NDST3: variants seen among roughly 807,000 people sequenced by gnomAD.
NDST3 encodes the protein N-deacetylase and N-sulfotransferase 3, also known as bifunctional heparan sulfate N-deacetylase/N-sulfotransferase 3.
NDST3 carries 58 observed loss-of-function variants against 96.1 expected under a neutral mutation model. That is an observed-to-expected ratio of 0.60 (90% CI 0.49 to 0.75). NDST3 has a LOEUF of 0.75. NDST3 is among the 30% of genes least tolerant of loss of function. The pLI, the probability that NDST3 is intolerant of heterozygous loss-of-function variation, is 0.00. For missense variants in NDST3, 788 were observed against 1,034.2 expected (o/e 0.76, Z 3.27); for synonymous variants, 333 against 359.7 (o/e 0.93, Z 0.84).
At chr4:118,126,822 G>T (rs987848263) in intron 4 of NDST3, among the ~76,000 whole-genome samples, 19 of 151,792 alleles carry the variant, frequency 1.3e-4, no homozygotes, top group African/African-American at 3.4e-4. Flanking sequence ...AGCGTATAAC[G>T]GTTTTCTTTT....
intron 6 of NDST3, among the ~76,000 whole-genome samples, chr4:118,178,831 C>A (rs1736424638): frequency 6.6e-6 from 1 of 152,030 alleles, no homozygotes; most frequent in South Asian, 2.1e-4. Context: ...TTTCTCACAA[C>A]CTTGCCAACA....
chr4:118,194,673 G>C (rs1358495269), intron 6 of NDST3: 1 of 636,502 alleles, frequency 1.6e-6, no homozygotes, highest in African/African-American at 1.8e-5. Context: ...CTCCTGTTTG[G>C]GCGAATGTCC....
At chr4:118,221,672 T>C (rs1446629742) in intron 6 of NDST3, among the ~76,000 whole-genome samples, 2 of 152,052 alleles carry the variant, frequency 1.3e-5, no homozygotes, top group Non-Finnish European at 2.9e-5. Context: ...TAAAGACTAA[T>C]GTATGTGGTA....
chr4:118,068,133 C>T (rs1266107365), intron 2 of NDST3, among the ~76,000 whole-genome samples: 1 of 144,774 alleles, frequency 6.9e-6, no homozygotes, highest in Non-Finnish European at 1.5e-5. Flanking sequence ...TGGTCACTTA[C>T]ATATGACATA....
At chr4:118,127,854 C>G (rs1732245538) in intron 4 of NDST3, among the ~76,000 whole-genome samples, 1 of 151,726 alleles carries the variant, frequency 6.6e-6, no homozygotes, top group African/African-American at 2.4e-5. Context: ...TTTTGGTGTA[C>G]TCTTTAATGT....
chr4:118,097,687 T>C (rs555090508), intron 2 of NDST3, among the ~76,000 whole-genome samples: 14 of 152,148 alleles, frequency 9.2e-5, no homozygotes, highest in African/African-American at 3.4e-4. Flanking sequence ...CAAAATAATT[T>C]GAAATCAAAT....
At chr4:118,218,059 T>C (rs886364204) in intron 6 of NDST3, among the ~76,000 whole-genome samples, 11 of 151,924 alleles carry the variant, frequency 7.2e-5, no homozygotes, top group Admixed American at 5.2e-4. Context: ...ATTAATAGCC[T>C]ACCAACCAAA....
chr4:118,073,461 G>A (rs1244418986), intron 2 of NDST3, among the ~76,000 whole-genome samples: 2 of 152,050 alleles, frequency 1.3e-5, no homozygotes, highest in East Asian at 1.9e-4. Flanking sequence ...GTAGTTGCAT[G>A]TTTCCAGACA....
intron 6 of NDST3, among the ~76,000 whole-genome samples, chr4:118,153,733 A>G (rs1042563613): frequency 2.6e-5 from 4 of 152,148 alleles, no homozygotes; most frequent in Admixed American, 6.5e-5. Context: ...CTGAGGCAGG[A>G]GAATTGCTTG....
intron 6 of NDST3, among the ~76,000 whole-genome samples, chr4:118,187,903 G>A (rs1737069576): frequency 1.3e-5 from 2 of 152,132 alleles, no homozygotes; most frequent in Admixed American, 6.5e-5. Flanking sequence ...CAGTGTGGAT[G>A]GCAAGAGCAA....
intron 8 of NDST3, among the ~76,000 whole-genome samples, chr4:118,230,271 A>ATC (rs1740182003): frequency 6.6e-6 from 1 of 152,184 alleles, no homozygotes; most frequent in African/African-American, 2.4e-5. Flanking sequence ...AAGCATCACC[A>ATC]GAAAATTTAT....
At chr4:118,200,243 T>A (rs779188611) in intron 6 of NDST3, among the ~76,000 whole-genome samples, 5 of 152,204 alleles carry the variant, frequency 3.3e-5, no homozygotes, top group Non-Finnish European at 7.3e-5. Flanking sequence ...GTACTGTGGC[T>A]AAGCTGGCAC....
intron 6 of NDST3, among the ~76,000 whole-genome samples, chr4:118,145,236 T>A (rs1337844728): frequency 1.3e-5 from 2 of 152,212 alleles, no homozygotes; most frequent in African/African-American, 4.8e-5. Context: ...CAATGCCTGG[T>A]TATGAACTGA....
intron 6 of NDST3, among the ~76,000 whole-genome samples, chr4:118,186,628 G>T (rs981052316): frequency 4.6e-5 from 7 of 152,188 alleles, no homozygotes; most frequent in African/African-American, 1.2e-4. Context: ...AAGTGGGTCT[G>T]CCTTTCCCAG....
chr4:118,064,964 T>C (rs1160922286), intron 2 of NDST3, among the ~76,000 whole-genome samples: 1 of 152,132 alleles, frequency 6.6e-6, no homozygotes, highest in African/African-American at 2.4e-5. Context: ...CCTTATTTCA[T>C]GGCCACATCT....
chr4:118,041,307 C>T (rs1724451692), intron 1 of NDST3, among the ~76,000 whole-genome samples: 1 of 152,126 alleles, frequency 6.6e-6, no homozygotes, highest in Admixed American at 6.5e-5. Flanking sequence ...AAGGGTCCAA[C>T]ACAATTTCAG....
At chr4:118,238,217 AAGAAAGAAAAAG>A (rs1740804486) in intron 10 of NDST3, among the ~76,000 whole-genome samples, 1 of 140,934 alleles carries the variant, frequency 7.1e-6, no homozygotes, top group Non-Finnish European at 1.5e-5. Context: ...GAAAGAAAGA[AAGAAAGAAAAAG>A]AAAGAAGAAA....
chr4:118,223,434 A>G (rs556814137), intron 6 of NDST3, among the ~76,000 whole-genome samples: 1 of 152,150 alleles, frequency 6.6e-6, no homozygotes, highest in South Asian at 2.1e-4. Flanking sequence ...ATCACTCACA[A>G]AATAATTTAT....
At chr4:118,065,069 A>C (rs1726196734) in intron 2 of NDST3, among the ~76,000 whole-genome samples, 1 of 152,156 alleles carries the variant, frequency 6.6e-6, no homozygotes, top group Non-Finnish European at 1.5e-5. Flanking sequence ...CCTTAACTTA[A>C]TCACATCTGC....
Sources: gnomAD v4.1 joint callset for allele counts (sites outside exome capture counted in the v4.1 genomes callset) on GRCh38, gnomAD v4.1.1 for gene constraint, MANE v1.5 for transcripts, NCBI Gene and HGNC (gene_info 2026-07-23, HGNC 2026-07-21) for gene names.